The following USP35 variants were observed in gnomAD, a reference collection of about 807,000 sequenced individuals.
USP35 encodes the protein ubiquitin carboxyl-terminal hydrolase 35.
In USP35, 69 loss-of-function variants were observed where a neutral mutation model predicts 83.8. The ratio of observed to expected loss-of-function variants is 0.82; its 90% CI spans 0.68 to 1.01. The LOEUF is 1.01. Ranked by LOEUF, USP35 falls within the 50% of genes least tolerant of loss-of-function variation. The pLI is 0.00. For missense variants in USP35, 1,503 were observed against 1,362.5 expected (o/e 1.10, Z -1.62); for synonymous variants, 714 against 589.5 (o/e 1.21, Z -3.06).
intron 7 of USP35, 162 bp from the exon 8 acceptor site, chr11:78,207,368 C>G: frequency 1.5e-6 from 1 of 646,990 alleles, no homozygotes; most frequent in Non-Finnish European, 2.7e-6. Context: ...CTGAGTTGTT[C>G]ACCTGCTCCT....
Position 78,209,677 on chromosome 11 carries a change from C to A in USP35, c.1822C>A (p.Arg608Ser), listed in dbSNP as rs202023946. The change falls in exon 10 of 11, where the codon CGC becomes AGC. Residue 608 changes from arginine to serine, a missense_variant. By Grantham distance (110) the Arg-to-Ser change is moderately radical. Coordinates refer to ENST00000529308, the MANE Select transcript of USP35 (RefSeq NM_020798.4). ...CTTCCCTCCTCCTGAGCGCTGTCGCCGCCGCCGCCTGGGCTCTGTGATGCG... is the reference window on the plus strand; with the variant it reads ...CTTCCCTCCTCCTGAGCGCTGTCGCAGCCGCCGCCTGGGCTCTGTGATGCG... ...LAFPPPERCR[R>S]RRLGSVMRPT... 4 of 1,613,788 alleles carry A rather than the reference C, an allele frequency of 2.5e-6. No homozygotes were observed. Among genetic ancestry groups the A allele is most frequent in the Non-Finnish European group, 1.7e-6 (2 of 1,179,888 alleles).
the USP35 span, among the ~76,000 whole-genome samples, chr11:78,227,573 T>A: frequency 6.8e-6 from 1 of 146,354 alleles, no homozygotes; most frequent in African/African-American, 2.6e-5. Flanking sequence ...GGTGGGAGGT[T>A]CACTTGAGGC....
At chr11:78,202,588 T>C (rs1307556772) in intron 6 of USP35, among the ~76,000 whole-genome samples, 2 of 152,188 alleles carry the variant, frequency 1.3e-5, no homozygotes, top group Non-Finnish European at 2.9e-5. Flanking sequence ...AAAGGAACAA[T>C]CCTGCATGAA....
At chr11:78,202,252 A>G (rs1863380116) in intron 6 of USP35, among the ~76,000 whole-genome samples, 1 of 152,228 alleles carries the variant, frequency 6.6e-6, no homozygotes, top group African/African-American at 2.4e-5. Context: ...AAGCCGACTA[A>G]AAGCCAGGAC....
the USP35 span, chr11:78,221,703 C>T: frequency 5.6e-6 from 9 of 1,613,114 alleles, no homozygotes; most frequent in Admixed American, 6.7e-5. Flanking sequence ...TCTTCGCTGT[C>T]TCCTGAGTCT....
In USP35 at chr11:78,199,586, C is replaced by T; in HGVS notation, c.807-9C>T. 2 of 1,614,146 alleles carry T rather than the reference C, an allele frequency of 1.2e-6. No individual in the cohort carries two copies. The highest frequency in any genetic ancestry group is 1.7e-6 in the Non-Finnish European group (2 of 1,179,978). On this transcript the variant is annotated splice_polypyrimidine_tract_variant and intron_variant, in intron 3 of 10. Coordinates refer to ENST00000529308, the MANE Select transcript of USP35 (RefSeq NM_020798.4). ...CTTGTCCCTGTGTCACTGTCACTCC[C>T]CTCACCAGGATGATTGACTGGGTGT...
chr11:78,232,624 A>G, the USP35 span, among the ~76,000 whole-genome samples: 5 of 152,248 alleles, frequency 3.3e-5, no homozygotes, highest in African/African-American at 1.2e-4. Flanking sequence ...CATATTATCT[A>G]GTACTTGAAG....
chr11:78,235,354 G>A, the USP35 span, among the ~76,000 whole-genome samples: 6 of 151,984 alleles, frequency 3.9e-5, no homozygotes, highest in South Asian at 2.1e-4. Flanking sequence ...GGGTTTCACC[G>A]TGTTAGCCAG....
chr11:78,226,589 T>C, the USP35 span: 1 of 930,230 alleles, frequency 1.1e-6, no homozygotes. Flanking sequence ...GAGGTGTTTC[T>C]GCCTGACTTG....
chr11:78,226,749 T>G, the USP35 span: 1 of 1,613,818 alleles, frequency 6.2e-7, no homozygotes, highest in Non-Finnish European at 8.5e-7. Flanking sequence ...TACCAGGAGG[T>G]CCCCGAACTC....
At chr11:78,223,282 T>C in the USP35 span, 3 of 694,294 alleles carry the variant, frequency 4.3e-6, no homozygotes, top group African/African-American at 3.7e-5. Flanking sequence ...ATAAGAAAAC[T>C]GAGACTCAGA....
At chr11:78,236,922 G>A in the USP35 span, among the ~76,000 whole-genome samples, 4 of 152,052 alleles carry the variant, frequency 2.6e-5, no homozygotes, top group African/African-American at 7.2e-5. Flanking sequence ...ACACACATAC[G>A]TATTTAGTTG....
Position 78,210,424 on chromosome 11 carries a change from T to G in USP35, c.2569T>G (p.Ser857Ala). Residue 857 changes from serine (S) to alanine (A), a missense_variant, in exon 10 of 11, where the codon TCT (serine) becomes GCT (alanine). By Grantham distance (99) the Ser-to-Ala change is moderately conservative (BLOSUM62 1). Transcript: ENST00000529308. ...LCSVVVHSGV[S>A]SESGHYYCYA... ...CAGTGTGGTGGTGCACTCTGGAGTGTCTTCGGAGAGTGGTCACTACTACTG... is the reference window on the plus strand; with the variant it reads ...CAGTGTGGTGGTGCACTCTGGAGTGGCTTCGGAGAGTGGTCACTACTACTG... 1 of 1,614,130 alleles carries G rather than the reference T, an allele frequency of 6.2e-7. No individual in the cohort carries two copies. Among genetic ancestry groups the G allele is most frequent in the Non-Finnish European group, 8.5e-7 (1 of 1,180,036 alleles).
intron 1 of USP35, among the ~76,000 whole-genome samples, chr11:78,191,098 T>A (rs1862990522): frequency 6.6e-6 from 1 of 152,060 alleles, no homozygotes; most frequent in Non-Finnish European, 1.5e-5. Flanking sequence ...CAAGGAGGGA[T>A]GATGAAGCTT....
intron 6 of USP35, among the ~76,000 whole-genome samples, chr11:78,203,719 C>T (rs1863433941): frequency 6.6e-6 from 1 of 150,794 alleles, no homozygotes; most frequent in Non-Finnish European, 1.5e-5. Context: ...GCTGGGACTA[C>T]AGGCGCCTGC....
At position 78,188,957 on chromosome 11, in the gene USP35, A is replaced by G. The variant is rs1862913469; in HGVS notation, c.-211A>G. The stretch of plus-strand genomic sequence containing the variant: ...CGCCGCAGAGTCGGGCTTCCTGGAT[A>G]CATAGAGGCTTGTGCCAGGCGGGGT... On this transcript the variant is annotated 5_prime_UTR_variant, in exon 1 of 11. It adds an upstream start codon to the 5' untranslated region. Coordinates refer to ENST00000529308, the MANE Select transcript of USP35 (RefSeq NM_020798.4). 1.0e-6 allele frequency: 1 copy of G among 985,312 alleles called. No individual in the cohort carries two copies. The highest frequency in any genetic ancestry group is 1.2e-6 in the Non-Finnish European group (1 of 829,934). 61.0% of individuals were successfully genotyped at this position (985,312 alleles called of 1,614,324 possible).
the USP35 span, among the ~76,000 whole-genome samples, chr11:78,222,934 C>T: frequency 1.3e-5 from 2 of 152,194 alleles, no homozygotes; most frequent in Admixed American, 1.3e-4. Flanking sequence ...TGACTACTCC[C>T]TGCTGCTCCT....
the USP35 span, among the ~76,000 whole-genome samples, chr11:78,230,924 C>A: frequency 2.6e-5 from 4 of 152,124 alleles, no homozygotes; most frequent in Non-Finnish European, 5.9e-5. Flanking sequence ...ACTGTGATGA[C>A]CTGAGTTGCT....
chr11:78,194,978 G>A (rs1413355946), intron 1 of USP35, among the ~76,000 whole-genome samples: 4 of 152,206 alleles, frequency 2.6e-5, no homozygotes, highest in African/African-American at 9.7e-5. Context: ...CTTCCTTGAT[G>A]AAGTGACTTT....
Sources: allele counts gnomAD v4.1 joint callset (sites outside exome capture counted in the v4.1 genomes callset), GRCh38; gene constraint gnomAD v4.1.1; transcripts MANE v1.5; gene names NCBI Gene and HGNC (gene_info 2026-07-23, HGNC 2026-07-21).